The following PLEKHA8 variants were observed in gnomAD, a reference collection of about 807,000 sequenced individuals.
The protein encoded by PLEKHA8 is pleckstrin homology domain containing A8.
A neutral mutation model predicts 68.2 loss-of-function variants in PLEKHA8; 36 were observed. The ratio of observed to expected loss-of-function variants is 0.53; its 90% CI spans 0.40 to 0.70. PLEKHA8 has a LOEUF of 0.70. PLEKHA8 is among the 30% of genes least tolerant of loss of function. The pLI, the probability that PLEKHA8 is intolerant of heterozygous loss-of-function variation, is 0.00. For synonymous variants in PLEKHA8, 211 were observed against 216.1 expected (o/e 0.98, Z 0.20); for missense variants, 505 against 615.4 (o/e 0.82, Z 1.90).
At chr7:30,104,526 A>T (rs749087342) in intron 13 of PLEKHA8, among the ~76,000 whole-genome samples, 7 of 152,212 alleles carry the variant, frequency 4.6e-5, no homozygotes, top group Non-Finnish European at 1.0e-4. Context: ...GACAATATCC[A>T]GCAGCTTAGA....
intron 13 of PLEKHA8, among the ~76,000 whole-genome samples, chr7:30,119,758 C>T (rs1156610135): frequency 6.6e-6 from 1 of 152,222 alleles, no homozygotes; most frequent in East Asian, 1.9e-4. Flanking sequence ...CATTTTGCTG[C>T]ATCAGATTCG....
At chr7:30,036,462 A>T (rs907103857) in intron 1 of PLEKHA8, among the ~76,000 whole-genome samples, 1 of 145,370 alleles carries the variant, frequency 6.9e-6, no homozygotes, top group Non-Finnish European at 1.5e-5. Flanking sequence ...ATAGATAGAT[A>T]GATTAGATAG....
At chr7:30,124,193 T>C (rs764940339) in intron 13 of PLEKHA8, among the ~76,000 whole-genome samples, 16 of 152,188 alleles carry the variant, frequency 1.1e-4, no homozygotes, top group Non-Finnish European at 1.8e-4. Flanking sequence ...CCTTTTACAC[T>C]TTTAGGACTT....
chr7:30,122,581 G>A (rs989493644), intron 13 of PLEKHA8, among the ~76,000 whole-genome samples: 3 of 152,144 alleles, frequency 2.0e-5, no homozygotes, highest in Non-Finnish European at 4.4e-5. Flanking sequence ...CCCTTCCATT[G>A]AGAATATCTC....
intron 5 of PLEKHA8, among the ~76,000 whole-genome samples, 160 bp from the exon 6 acceptor site, chr7:30,050,274 T>G (rs1344501458): frequency 6.6e-6 from 1 of 152,206 alleles, no homozygotes; most frequent in Non-Finnish European, 1.5e-5. Flanking sequence ...TTGGAATCAA[T>G]GACTCTCTTT....
chr7:30,045,204 G>A lies in PLEKHA8; in HGVS notation c.157+3G>A, dbSNP rs1167662703. On this transcript the variant is annotated splice_donor_region_variant and intron_variant, in intron 2 of 13. Transcript: ENST00000449726. ...AATGGCAGTCTGTGAAATTCAAGGT[G>A]AGAAATCAAGCAACTTGCAAGTTTT... The A allele has an allele frequency of 6.3e-7, 1 of 1,579,096 alleles. No homozygotes were observed. Among genetic ancestry groups the A allele is most frequent in the Admixed American group, 1.8e-5 (1 of 54,506 alleles).
intron 5 of PLEKHA8, among the ~76,000 whole-genome samples, chr7:30,049,702 A>G (rs1438065804): frequency 1.3e-5 from 2 of 152,174 alleles, no homozygotes; most frequent in African/African-American, 4.8e-5. Flanking sequence ...ATTTCTATTA[A>G]TGCAGTATAA....
At chr7:30,098,174 C>A (rs947411613) in intron 13 of PLEKHA8, among the ~76,000 whole-genome samples, 1 of 152,158 alleles carries the variant, frequency 6.6e-6, no homozygotes, top group Non-Finnish European at 1.5e-5. Context: ...GCTGCCTGAT[C>A]GTTCCTCTGG....
chr7:30,083,629 C>T lies in PLEKHA8; in HGVS notation c.*4842C>T. The T allele has an allele frequency of 1.0e-6, 1 of 985,332 alleles. No individual in the cohort carries two copies. Among genetic ancestry groups the T allele is most frequent in the Non-Finnish European group, 1.2e-6 (1 of 829,888 alleles). The allele number at this position is 985,332 out of a possible 1,614,324, so 61.0% of individuals were successfully genotyped here. ...TTCTTCTCTGCTGTTTTTATATAGCCTTTAATTAAAAGGAAAAAAATACCA... is the reference window on the plus strand; with the variant it reads ...TTCTTCTCTGCTGTTTTTATATAGCTTTTAATTAAAAGGAAAAAAATACCA... On this transcript the variant is annotated 3_prime_UTR_variant, in exon 14 of 14. Coordinates refer to ENST00000449726, the MANE Select transcript of PLEKHA8 (RefSeq NM_001197026.2).
At chr7:30,046,493 C>G in intron 3 of PLEKHA8, 128 bp downstream of exon 3, 1 of 1,064,426 alleles carries the variant, frequency 9.4e-7, no homozygotes, top group South Asian at 1.8e-5. Context: ...TGCTGTGTAT[C>G]TTAGTATAAT....
At chr7:30,056,312 C>CTCTCTCTATA (rs796845171) in intron 9 of PLEKHA8, among the ~76,000 whole-genome samples, 2,814 of 94,400 alleles carry the variant, frequency 0.03, 137 homozygotes, top group South Asian at 0.041. Context: ...CTCTCTCTCT[C>CTCTCTCTATA]TATATATATA....
downstream of PLEKHA8, among the ~76,000 whole-genome samples, chr7:30,085,847 G>A (rs754429162): frequency 1.3e-5 from 2 of 152,168 alleles, no homozygotes; most frequent in Non-Finnish European, 2.9e-5. Context: ...AGAAGAAGAA[G>A]CTGGTGGAGA....
chr7:30,112,795 G>C (rs1037614471), intron 13 of PLEKHA8, among the ~76,000 whole-genome samples: 1 of 151,908 alleles, frequency 6.6e-6, no homozygotes, highest in Non-Finnish European at 1.5e-5. Context: ...CAGCTATTTG[G>C]GAGGCTGAGG....
intron 9 of PLEKHA8, among the ~76,000 whole-genome samples, chr7:30,056,252 T>TATTTTCAAAG (rs1490959277): frequency 4.2e-5 from 6 of 144,544 alleles, no homozygotes; most frequent in African/African-American, 1.5e-4. Flanking sequence ...CTGCAAAACA[T>TATTTTCAAAG]ATTTTCAAAG....
intron 12 of PLEKHA8, among the ~76,000 whole-genome samples, chr7:30,073,123 G>A (rs543538699): frequency 1.3e-5 from 2 of 151,876 alleles, no homozygotes; most frequent in East Asian, 3.9e-4. Context: ...AAATACATTG[G>A]GACAAAAATT....
chr7:30,064,883 G>A (rs1023967544), intron 12 of PLEKHA8, among the ~76,000 whole-genome samples: 4 of 152,196 alleles, frequency 2.6e-5, no homozygotes, highest in African/African-American at 9.7e-5. Context: ...TGTTAGGGCT[G>A]TCTATGGAAG....
intron 13 of PLEKHA8, among the ~76,000 whole-genome samples, chr7:30,077,900 T>C (rs754952624): frequency 2.0e-5 from 3 of 152,260 alleles, no homozygotes; most frequent in Non-Finnish European, 4.4e-5. Context: ...TGGCATAATA[T>C]GGTGGTGTGG....
intron 1 of PLEKHA8, 97 bp from the exon 2 acceptor site, chr7:30,044,988 C>G (rs1357162676): frequency 1.1e-5 from 8 of 733,908 alleles, no homozygotes; most frequent in Middle Eastern, 4.2e-4. Flanking sequence ...CTCCTTGGAG[C>G]TAACCCAGTA....
intron 13 of PLEKHA8, among the ~76,000 whole-genome samples, chr7:30,105,133 T>G (rs1409593966): frequency 6.6e-6 from 1 of 152,044 alleles, no homozygotes; most frequent in Non-Finnish European, 1.5e-5. Context: ...ACTTATAATC[T>G]GCTCATTTCC....
Sources: allele counts gnomAD v4.1 joint callset (sites outside exome capture counted in the v4.1 genomes callset), GRCh38; gene constraint gnomAD v4.1.1; transcripts MANE v1.5; gene names NCBI Gene and HGNC (gene_info 2026-07-23, HGNC 2026-07-21).